The following MEGF9 variants were observed in gnomAD, a reference collection of about 807,000 sequenced individuals.
The protein encoded by MEGF9 is multiple epidermal growth factor-like domains protein 9.
In MEGF9, 6 loss-of-function variants were observed where a neutral mutation model predicts 46.8. The observed-to-expected ratio is 0.13, with a 90% CI of 0.07 to 0.25. The LOEUF is 0.25. Among genes scored for constraint, MEGF9 ranks in the 10% least tolerant of loss-of-function variants. The probability of loss-of-function intolerance (pLI) is 1.00; values close to 1 mark genes in which losing one functional copy is unlikely to be tolerated. For missense variants in MEGF9, 683 were observed against 792.4 expected (o/e 0.86, Z 1.66); for synonymous variants, 302 against 330.7 (o/e 0.91, Z 0.94).
At chr9:120,630,141 T>C (rs760985149) in intron 2 of MEGF9, among the ~76,000 whole-genome samples, 4 of 152,208 alleles carry the variant, frequency 2.6e-5, no homozygotes, top group Non-Finnish European at 4.4e-5. Flanking sequence ...AAAGCCTATA[T>C]GTATACTTTC....
chr9:120,656,947 G>GGTAATTCAT (rs1424352516), intron 2 of MEGF9, among the ~76,000 whole-genome samples: 2 of 152,096 alleles, frequency 1.3e-5, no homozygotes, highest in African/African-American at 4.8e-5. Context: ...TAAAATAAAG[G>GGTAATTCAT]TTAAAGTGAA....
At chr9:120,677,320 A>G (rs1381950250) in intron 1 of MEGF9, among the ~76,000 whole-genome samples, 1 of 152,048 alleles carries the variant, frequency 6.6e-6, no homozygotes, top group African/African-American at 2.4e-5. Flanking sequence ...TTTTTTATAG[A>G]GATGGGGTAT....
At chr9:120,694,835 A>G (rs1184309056) in intron 1 of MEGF9, among the ~76,000 whole-genome samples, 1 of 152,190 alleles carries the variant, frequency 6.6e-6, no homozygotes, top group Non-Finnish European at 1.5e-5. Flanking sequence ...TGAATAAGGC[A>G]GTTTCTGTCC....
At position 120,604,999 on chromosome 9, in the gene MEGF9, G is replaced by A. The variant is rs551759248; in HGVS notation, c.*191C>T. ...ACTTCAAGTCCTAATGACAGTGAAC[G>A]CTTCAGATCTTCATGGGAAAACTAA... On this transcript the variant is annotated 3_prime_UTR_variant, in exon 6 of 6. Coordinates refer to ENST00000373930, the MANE Select transcript of MEGF9 (RefSeq NM_001080497.3). 71 of 605,114 alleles carry A rather than the reference G, an allele frequency of 1.2e-4. No homozygotes were observed. The highest frequency in any genetic ancestry group is 1.1e-3 in the East Asian group (41 of 35,884). 37.5% of individuals were successfully genotyped at this position (605,114 alleles called of 1,614,324 possible).
intron 4 of MEGF9, among the ~76,000 whole-genome samples, chr9:120,609,847 T>C (rs960498613): frequency 6.6e-6 from 1 of 152,296 alleles, no homozygotes; most frequent in Non-Finnish European, 1.5e-5. Flanking sequence ...CTTGTGGCAA[T>C]GAATCATATT....
chr9:120,690,811 G>C (rs571439994), intron 1 of MEGF9, among the ~76,000 whole-genome samples: 4 of 152,270 alleles, frequency 2.6e-5, no homozygotes, highest in African/African-American at 7.2e-5. Context: ...TAGGACAGAG[G>C]AGGAGGGAAG....
chr9:120,643,446 C>T (rs1237899449), intron 2 of MEGF9, among the ~76,000 whole-genome samples: 1 of 152,152 alleles, frequency 6.6e-6, no homozygotes, highest in Non-Finnish European at 1.5e-5. Flanking sequence ...CAATGTCATA[C>T]ATCTAAAATG....
chr9:120,694,415 G>A (rs926744642), intron 1 of MEGF9, among the ~76,000 whole-genome samples: 16 of 152,220 alleles, frequency 1.1e-4, no homozygotes, highest in African/African-American at 3.4e-4. Context: ...TAAAAAGTCC[G>A]AAGGACTAAG....
intron 1 of MEGF9, among the ~76,000 whole-genome samples, chr9:120,684,315 T>C (rs1587994863): frequency 6.6e-6 from 1 of 152,210 alleles, no homozygotes; most frequent in South Asian, 2.1e-4. Context: ...AGGTCGAAAA[T>C]ATACCTGTCT....
At position 120,612,298 on chromosome 9, in the gene MEGF9, C is replaced by T. The variant is rs148836311; in HGVS notation, c.1087+98G>A. 1.2e-5 allele frequency: 14 copies of T among 1,189,258 alleles called. No individual in the cohort carries two copies. In the East Asian group the frequency reaches 3.1e-4, roughly 27 times the overall value. The allele number at this position is 1,189,258 out of a possible 1,614,324, so 73.7% of individuals were successfully genotyped here. Reference sequence around the variant, plus strand: ...TTGCTGTTTTTATAACTCCCTTTCACCTATAGCATCCAGAACTTTATTCAT... The same window carrying T: ...TTGCTGTTTTTATAACTCCCTTTCATCTATAGCATCCAGAACTTTATTCAT... On this transcript the variant is annotated intron_variant, in intron 4 of 5. Coordinates refer to ENST00000373930, the MANE Select transcript of MEGF9 (RefSeq NM_001080497.3).
chr9:120,633,512 G>T (rs748514781), intron 2 of MEGF9, among the ~76,000 whole-genome samples: 16 of 151,746 alleles, frequency 1.1e-4, no homozygotes, highest in Non-Finnish European at 2.1e-4. Flanking sequence ...CTAGCTGATG[G>T]TTTCTCAATT....
intron 1 of MEGF9, among the ~76,000 whole-genome samples, chr9:120,694,749 T>A (rs2043866905): frequency 6.6e-6 from 1 of 152,210 alleles, no homozygotes; most frequent in African/African-American, 2.4e-5. Context: ...GTGACTATCA[T>A]GGTAGGTCTA....
chr9:120,657,345 T>C lies in MEGF9; in HGVS notation c.803+2029A>G, dbSNP rs116617269. On this transcript the variant is annotated intron_variant, in intron 2 of 5. Coordinates refer to ENST00000373930, the MANE Select transcript of MEGF9 (RefSeq NM_001080497.3). ...GCATTAAACTTGGTAGCATTAACTG[T>C]CAGAGAAAAGATAAATCAGGAATAA... Among the ~76,000 whole-genome samples, 399 of 152,320 alleles carry C rather than the reference T, an allele frequency of 2.6e-3. 4 individuals carry two copies. Among genetic ancestry groups the C allele is most frequent in the African/African-American group, 9.2e-3 (384 of 41,564 alleles).
intron 2 of MEGF9, among the ~76,000 whole-genome samples, chr9:120,626,271 C>G (rs926530206): frequency 2.0e-5 from 3 of 152,138 alleles, no homozygotes; most frequent in Non-Finnish European, 4.4e-5. Context: ...TAGAATTATT[C>G]ATAAACGAAG....
At chr9:120,689,041 C>T (rs866485935) in intron 1 of MEGF9, among the ~76,000 whole-genome samples, 6 of 152,070 alleles carry the variant, frequency 3.9e-5, no homozygotes, top group East Asian at 1.9e-4. Flanking sequence ...GAAAGACAGA[C>T]GTGGTCATTG....
At chr9:120,642,371 A>C (rs1269460164) in intron 2 of MEGF9, among the ~76,000 whole-genome samples, 1 of 152,174 alleles carries the variant, frequency 6.6e-6, no homozygotes, top group East Asian at 1.9e-4. Context: ...ATTCTATTTC[A>C]GGGTACAGTG....
At chr9:120,672,335 A>G (rs1427819497) in intron 1 of MEGF9, among the ~76,000 whole-genome samples, 1 of 152,016 alleles carries the variant, frequency 6.6e-6, no homozygotes, top group Non-Finnish European at 1.5e-5. Flanking sequence ...CGACACGTAT[A>G]AAATCCCAGC....
intron 1 of MEGF9, among the ~76,000 whole-genome samples, chr9:120,709,452 G>A: frequency 6.6e-6 from 1 of 151,700 alleles, no homozygotes; most frequent in South Asian, 2.1e-4. Context: ...TAGAAGAGAA[G>A]TAACCAAGAC....
Position 120,615,598 on chromosome 9 carries a change from A to G in MEGF9, c.944-3059T>C, listed in dbSNP as rs180740855. ...CTCAAAAGTAAAAATGAAAGCAAGT[A>G]TAAGTATAAAATTTAGCCCAACACA... is the stretch of plus-strand genomic sequence containing the variant. On this transcript the variant is annotated intron_variant, in intron 3 of 5. Coordinates refer to ENST00000373930, the MANE Select transcript of MEGF9 (RefSeq NM_001080497.3). Among the ~76,000 whole-genome samples the G allele has an allele frequency of 6.6e-5, 10 of 152,254 alleles. No individual in the cohort carries two copies. The East Asian group carries it at 1.7e-3, about 26-fold the overall frequency.
Sources: gnomAD v4.1 joint callset for allele counts (sites outside exome capture counted in the v4.1 genomes callset) on GRCh38, gnomAD v4.1.1 for gene constraint, MANE v1.5 for transcripts, NCBI Gene and HGNC (gene_info 2026-07-23, HGNC 2026-07-21) for gene names.